Variants in PDE6C observed in about 807,000 individuals in gnomAD.
The protein encoded by PDE6C is cone cGMP-specific 3',5'-cyclic phosphodiesterase subunit alpha'.
In PDE6C, 75 loss-of-function variants were observed where a neutral mutation model predicts 113.1. The ratio of observed to expected loss-of-function variants is 0.66; its 90% confidence interval spans 0.55 to 0.80. The LOEUF (loss-of-function observed/expected upper bound fraction) is 0.80, where lower values mean the gene tolerates loss of function less well. Among genes scored for constraint, PDE6C ranks in the 30% least tolerant of loss-of-function variants. The pLI is 0.00. For missense variants in PDE6C, 912 were observed against 1,038.6 expected (o/e 0.88, Z 1.67); for synonymous variants, 375 against 363.7 (o/e 1.03, Z -0.35).
intron 10 of PDE6C, among the ~76,000 whole-genome samples, chr10:93,636,156 G>C (rs2058528074): frequency 6.6e-6 from 1 of 152,176 alleles, no homozygotes; most frequent in Non-Finnish European, 1.5e-5. Flanking sequence ...AGAAGTGCAA[G>C]AGAGCAAACC....
intron 16 of PDE6C, among the ~76,000 whole-genome samples, chr10:93,657,224 C>T (rs1228956302): frequency 6.6e-6 from 1 of 151,790 alleles, no homozygotes; most frequent in East Asian, 1.9e-4. Flanking sequence ...TGCAGTGGCG[C>T]AATCTCGGCT....
rs191781442 is a variant in PDE6C, at chr10:93,629,177, G to A, written c.1072-81G>A. 6.2e-4 allele frequency: 728 copies of A among 1,182,486 alleles called. 1 individual carries two copies. Among genetic ancestry groups the A allele is most frequent in the Non-Finnish European group, 8.4e-4 (657 of 786,792 alleles). 73.2% of individuals were successfully genotyped at this position (1,182,486 alleles called of 1,614,324 possible). A position where few individuals can be genotyped will look rare whatever the true frequency, so the allele number is the denominator to read the frequency against. ...TGTAGAAAATCCTCACTCCCAATGC[G>A]TTCTTTCTTATTCTGCTTTGTGGAT... On this transcript the variant is annotated intron_variant, in intron 7 of 21. Coordinates refer to ENST00000371447, the MANE Select transcript of PDE6C (RefSeq NM_006204.4).
intron 4 of PDE6C, among the ~76,000 whole-genome samples, chr10:93,622,354 G>C: frequency 6.6e-6 from 1 of 151,638 alleles, no homozygotes. Flanking sequence ...TGATTATAAA[G>C]TACGGAGTTT....
chr10:93,651,476 G>T (rs969721508), intron 15 of PDE6C, among the ~76,000 whole-genome samples: 2 of 152,132 alleles, frequency 1.3e-5, no homozygotes, highest in Non-Finnish European at 1.5e-5. Flanking sequence ...GAGTGAGGAA[G>T]TGGCACACTT....
chr10:93,658,201 AAAAGAAAAGAAAG>A (rs1564805671), intron 16 of PDE6C, among the ~76,000 whole-genome samples: 1 of 141,492 alleles, frequency 7.1e-6, no homozygotes, highest in African/African-American at 2.7e-5. Flanking sequence ...AAGAAAAAGA[AAAAGAAAAGAAAG>A]AAAGAAAGAA....
intron 15 of PDE6C, among the ~76,000 whole-genome samples, chr10:93,650,088 A>C (rs2058602869): frequency 6.6e-6 from 1 of 152,228 alleles, no homozygotes; most frequent in South Asian, 2.1e-4. Context: ...AAATGTTTTC[A>C]GTTGCTATGG....
intron 15 of PDE6C, among the ~76,000 whole-genome samples, chr10:93,654,810 C>CTTTTT (rs57025205): frequency 5.2e-5 from 4 of 77,116 alleles, no homozygotes; most frequent in African/African-American, 1.0e-4. Flanking sequence ...TTCTTTCTTT[C>CTTTTT]TTTTTTTTTT....
rs2058574882 is a variant in PDE6C, at chr10:93,644,747, T to C, written c.1848-1213T>C. Among the ~76,000 whole-genome samples, 6 of 147,720 alleles carry C rather than the reference T, an allele frequency of 4.1e-5. No individual in the cohort carries two copies. In the South Asian group the frequency reaches 1.3e-3, roughly 32 times the overall value. ...TGGCCTCTGATAACCACCAAACTAC[T>C]CTCTATCTTCAAATAAAGAAAATGT... On this transcript the variant is annotated intron_variant, in intron 14 of 21. Coordinates refer to ENST00000371447, the MANE Select transcript of PDE6C (RefSeq NM_006204.4).
At chr10:93,614,371 C>T (rs78944875) in intron 1 of PDE6C, among the ~76,000 whole-genome samples, 4,319 of 152,254 alleles carry the variant, frequency 0.028, 81 homozygotes, top group Middle Eastern at 0.044. Flanking sequence ...GCAAGGGTTA[C>T]CATGGGGCCT....
chr10:93,625,313 T>C (rs904038860), intron 4 of PDE6C, among the ~76,000 whole-genome samples: 2 of 152,234 alleles, frequency 1.3e-5, no homozygotes, highest in African/African-American at 4.8e-5. Context: ...AGATGTTACA[T>C]ATGTATTATT....
At chr10:93,636,927 T>C in intron 10 of PDE6C, 68 bp from the exon 11 acceptor site, 3 of 843,652 alleles carry the variant, frequency 3.6e-6, no homozygotes, top group Non-Finnish European at 4.1e-6. Context: ...AAGATTGTAA[T>C]AGTAGAGGAA....
rs200771894 is a variant in PDE6C at position 93,634,772 on chromosome 10, C to T, written c.1134C>T (p.Asp378=). ...CTCGTTTGTAGAAAGGACCTGTAGA[C>T]GAAACTGGTTGGGTCATTAAGAATG... ...EYFTFQKGPV[D]ETGWVIKNVL... Residue 378 remains aspartate, a synonymous_variant, in exon 9 of 22, where the codon GAC becomes GAT. Transcript: ENST00000371447. 64 of 1,613,990 alleles carry T rather than the reference C, an allele frequency of 4.0e-5. No homozygotes were observed. In the East Asian group the frequency reaches 9.6e-4, roughly 24 times the overall value.
Position 93,633,319 on chromosome 10 carries a change from A to G in PDE6C, c.1120-1439A>G, listed in dbSNP as rs534499622. Among the ~76,000 whole-genome samples, 12 of 152,066 alleles carry G rather than the reference A, an allele frequency of 7.9e-5. No homozygotes were observed. The East Asian group carries it at 2.3e-3, about 29-fold the overall frequency. On this transcript the variant is annotated intron_variant, in intron 8 of 21. Coordinates refer to ENST00000371447, the MANE Select transcript of PDE6C (RefSeq NM_006204.4). ...CATCTTTACTAAAAATACAAAAATT[A>G]GCCAGGCTTGGTGGGGCATGCTTGT...
At position 93,665,579 on chromosome 10, in the gene PDE6C, G is replaced by C; in HGVS notation, c.*161G>C. 2 of 611,460 alleles carry C rather than the reference G, an allele frequency of 3.3e-6. No homozygotes were observed. 37.9% of individuals were successfully genotyped at this position (611,460 alleles called of 1,614,324 possible). On this transcript the variant is annotated 3_prime_UTR_variant, in exon 22 of 22. Transcript: ENST00000371447. ...TATTGCTAGCCCAAAAATCCCAGGG[G>C]CAAAATAAAGTTCAACAAAAGTGCA...
chr10:93,612,899 G>T lies in PDE6C; in HGVS notation c.174G>T (p.Glu58Asp). Residue 58 changes from glutamate (E) to aspartate (D), a missense_variant, in exon 1 of 22, where the codon GAG becomes GAT. Glu to Asp is a conservative substitution (Grantham distance 45). Transcript: ENST00000371447. ...TCTCTGAGCTGACCCAGGTGGAGGA[G>T]TCAGCCCTGTGCTTGGAGCTGCTGT... is the stretch of plus-strand genomic sequence containing the variant. ...MSFSELTQVE[E>D]SALCLELLWT... 6.2e-7 allele frequency: 1 copy of T among 1,614,074 alleles called. No individual in the cohort carries two copies. The highest frequency in any genetic ancestry group is 8.5e-7 in the Non-Finnish European group (1 of 1,180,040).
intron 1 of PDE6C, among the ~76,000 whole-genome samples, chr10:93,617,873 G>T (rs1478893101): frequency 6.6e-6 from 1 of 152,230 alleles, no homozygotes; most frequent in African/African-American, 2.4e-5. Context: ...GTAAATGAAG[G>T]TGATGTGATC....
chr10:93,641,827 A>G (rs1424729940), intron 14 of PDE6C, among the ~76,000 whole-genome samples: 1 of 152,098 alleles, frequency 6.6e-6, no homozygotes. Context: ...CCATCTTAAC[A>G]TCGATGCCAT....
intron 4 of PDE6C, among the ~76,000 whole-genome samples, chr10:93,624,695 T>C (rs1315509825): frequency 1.3e-5 from 2 of 152,220 alleles, no homozygotes; most frequent in Admixed American, 6.5e-5. Flanking sequence ...CTTTTGGCTA[T>C]AAGAAACATC....
At chr10:93,663,913 T>C (rs2058678180) in intron 21 of PDE6C, among the ~76,000 whole-genome samples, 3 of 152,220 alleles carry the variant, frequency 2.0e-5, no homozygotes, top group Non-Finnish European at 4.4e-5. Flanking sequence ...GCAATTGTTA[T>C]TGCTTAACAA....
Sources: allele counts gnomAD v4.1 joint callset (sites outside exome capture counted in the v4.1 genomes callset), GRCh38; gene constraint gnomAD v4.1.1; transcripts MANE v1.5; gene names NCBI Gene and HGNC (gene_info 2026-07-23, HGNC 2026-07-21).